Variants in NHSL1 observed in about 807,000 individuals in gnomAD.
The protein encoded by NHSL1 is NHS like 1.
A neutral mutation model predicts 95.0 loss-of-function variants in NHSL1; 48 were observed. The observed-to-expected ratio is 0.51, with a 90% CI of 0.40 to 0.64. NHSL1 has a LOEUF of 0.64. Among genes scored for constraint, NHSL1 ranks in the 30% least tolerant of loss-of-function variants. The pLI is 0.00. For synonymous variants in NHSL1, 783 were observed against 833.9 expected (o/e 0.94, Z 1.05); for missense variants, 1,971 against 2,077.7 (o/e 0.95, Z 1.00).
intron 1 of NHSL1, among the ~76,000 whole-genome samples, chr6:138,527,667 C>A (rs187209532): frequency 1.3e-5 from 2 of 152,292 alleles, no homozygotes; most frequent in African/African-American, 4.8e-5. Context: ...GTGAAAAGAT[C>A]CTCTTTGAGG....
chr6:138,424,908 C>A lies in NHSL1; in HGVS notation c.4086-92G>T. 1 of 1,021,962 alleles carries A rather than the reference C, an allele frequency of 9.8e-7. No homozygotes were observed. The highest frequency in any genetic ancestry group is 2.8e-5 in the Admixed American group (1 of 36,228). The allele number at this position is 1,021,962 out of a possible 1,614,324, so 63.3% of individuals were successfully genotyped here. A position where few individuals can be genotyped will look rare whatever the true frequency, so the allele number is the denominator to read the frequency against. ...CTCTGCTCTTATCGCATCTTCAGGT[C>A]ACCATCTACTTAAGATTCACTTTCA... On this transcript the variant is annotated intron_variant, in intron 7 of 7. Coordinates refer to ENST00000343505, the MANE Select transcript of NHSL1 (RefSeq NM_001144060.2). The surrounding 1 kb of genome is among the most constrained non-coding windows in gnomAD (Gnocchi z 5.9).
intron 2 of NHSL1, among the ~76,000 whole-genome samples, chr6:138,494,959 TG>T (rs1480786873): frequency 6.6e-6 from 1 of 152,124 alleles, no homozygotes; most frequent in Admixed American, 6.6e-5. Context: ...AACAATAAAT[TG>T]GGCCGGGTGC....
intron 1 of NHSL1, among the ~76,000 whole-genome samples, chr6:138,543,298 T>C (rs944802558): frequency 6.6e-6 from 1 of 152,064 alleles, no homozygotes; most frequent in Non-Finnish European, 1.5e-5. Flanking sequence ...ACATACAAAA[T>C]GCAGTTGGGA....
chr6:138,661,665 TAAA>T (rs1204471376), intron 1 of NHSL1, among the ~76,000 whole-genome samples: 1 of 129,140 alleles, frequency 7.7e-6, no homozygotes. Flanking sequence ...TTGTCTCAAA[TAAA>T]AAAAAAAAAG....
intron 1 of NHSL1, among the ~76,000 whole-genome samples, chr6:138,580,866 G>A (rs1255500905): frequency 2.0e-5 from 3 of 152,168 alleles, no homozygotes; most frequent in South Asian, 2.1e-4. Context: ...GTGGATTAGC[G>A]CGGGCTAATA....
Position 138,597,533 on chromosome 6 carries a change from T to G in NHSL1, c.96+94943A>C, listed in dbSNP as rs917571780. 6.6e-5 allele frequency among the ~76,000 whole-genome samples: 10 copies of G among 152,214 alleles called. 1 individual carries two copies. The highest frequency in any genetic ancestry group is 1.5e-5 in the Non-Finnish European group (1 of 68,042). On this transcript the variant is annotated intron_variant, in intron 1 of 3. Transcript: ENST00000491526. Reference sequence around the variant, plus strand: ...GTACATGTTGTTCGTTTCTGGTTATTCTAGTGTAGACTCCTTGCTTACTTT... The same window carrying G: ...GTACATGTTGTTCGTTTCTGGTTATGCTAGTGTAGACTCCTTGCTTACTTT...
intron 1 of NHSL1, among the ~76,000 whole-genome samples, chr6:138,577,992 G>T (rs1022003442): frequency 6.6e-6 from 1 of 152,156 alleles, no homozygotes; most frequent in Non-Finnish European, 1.5e-5. Flanking sequence ...AGAAGTCATG[G>T]AAGGCAAAAC....
At position 138,523,627 on chromosome 6, in the gene NHSL1, GAAAAAAAAAAA is replaced by G. The variant is rs67335375; in HGVS notation, c.16+21985_16+21995del. On this transcript the variant is annotated intron_variant, in intron 1 of 4. Coordinates refer to the NHSL1 transcript ENST00000342260. ...CCCAGCCTAGAGATGTTTTAAAGAG[GAAAAAAAAAAA>G]AAAAAAAAAAAAAACAGAGCTAAAA... is the stretch of plus-strand genomic sequence containing the variant. 7.2e-3 allele frequency among the ~76,000 whole-genome samples: 465 copies of G among 64,980 alleles called. 16 individuals are homozygous for G. The highest frequency in any genetic ancestry group is 2.4e-3 in the South Asian group (4 of 1,638). The allele number at this position is 64,980 out of a possible 152,430, so 42.6% of individuals were successfully genotyped here.
upstream of NHSL1, among the ~76,000 whole-genome samples, chr6:138,503,841 A>C (rs1780816136): frequency 6.6e-6 from 1 of 151,916 alleles, no homozygotes; most frequent in Non-Finnish European, 1.5e-5. Flanking sequence ...TGCCCCCCAA[A>C]CTGTTTCTCA....
chr6:138,499,399 C>A lies in NHSL1; in HGVS notation c.-109G>T. 1 of 1,493,088 alleles carries A rather than the reference C, an allele frequency of 6.7e-7. No homozygotes were observed. Among genetic ancestry groups the A allele is most frequent in the Non-Finnish European group, 9.0e-7 (1 of 1,116,244 alleles). 92.5% of individuals were successfully genotyped at this position (1,493,088 alleles called of 1,614,324 possible). ...TGCTACAGATTCTAACTTTTTCTTC[C>A]CCCGGTCTCATATCCTTAGACATCT... On this transcript the variant is annotated 5_prime_UTR_variant, in exon 1 of 8. Transcript: ENST00000343505.
chr6:138,581,897 CTTTT>C (rs370719757), intron 1 of NHSL1, among the ~76,000 whole-genome samples: 5 of 124,320 alleles, frequency 4.0e-5, no homozygotes, highest in Admixed American at 8.1e-5. Context: ...CTTTTTCTTT[CTTTT>C]TTTTTTTTTT....
At chr6:138,647,782 G>C (rs556081024) in intron 1 of NHSL1, among the ~76,000 whole-genome samples, 1 of 152,080 alleles carries the variant, frequency 6.6e-6, no homozygotes, top group East Asian at 1.9e-4. Context: ...ATTTTCACTA[G>C]AGACAGGGTT....
At position 138,672,734 on chromosome 6, in the gene NHSL1, T is replaced by C. The variant is rs563386814; in HGVS notation, c.96+19742A>G. ...TTTTGAGGACTTATAATAAAAATGTTTCAGCTGGGCGCAGTGGCTCACACC... is the reference window on the plus strand; with the variant it reads ...TTTTGAGGACTTATAATAAAAATGTCTCAGCTGGGCGCAGTGGCTCACACC... On this transcript the variant is annotated intron_variant, in intron 1 of 3. Transcript: ENST00000491526. Among the ~76,000 whole-genome samples, 39 of 152,280 alleles carry C rather than the reference T, an allele frequency of 2.6e-4. No homozygotes were observed. In the South Asian group the frequency reaches 6.4e-3, roughly 25 times the overall value.
chr6:138,673,797 T>C (rs12196991), intron 1 of NHSL1, among the ~76,000 whole-genome samples: 24,986 of 152,230 alleles, frequency 0.16, 2,474 homozygotes, highest in South Asian at 0.34. Flanking sequence ...GTCTGTCTTT[T>C]CTTTACACGA....
At chr6:138,676,760 T>G (rs1785454535) in intron 1 of NHSL1, among the ~76,000 whole-genome samples, 1 of 152,194 alleles carries the variant, frequency 6.6e-6, no homozygotes, top group Non-Finnish European at 1.5e-5. Flanking sequence ...GTTCAAGTGA[T>G]TCTCCTGCCT....
At chr6:138,442,342 A>G (rs1419607634) in intron 4 of NHSL1, among the ~76,000 whole-genome samples, 2 of 152,220 alleles carry the variant, frequency 1.3e-5, no homozygotes, top group Non-Finnish European at 2.9e-5. Context: ...CTCATTTTCA[A>G]ATGAGCTGGA....
intron 1 of NHSL1, among the ~76,000 whole-genome samples, chr6:138,652,950 TCTAAATTA>T (rs1785111911): frequency 6.6e-6 from 1 of 152,234 alleles, no homozygotes; most frequent in East Asian, 1.9e-4. Context: ...AGCTAAATAG[TCTAAATTA>T]GTTTAAGCAA....
At position 138,442,012 on chromosome 6, in the gene NHSL1, C is replaced by G; in HGVS notation, c.635G>C (p.Gly212Ala). The G allele has an allele frequency of 6.4e-7, 1 of 1,551,240 alleles. No individual in the cohort carries two copies. Residue 212 changes from glycine to alanine, a missense_variant, in exon 5 of 8, where the codon GGA becomes GCA. Coordinates refer to ENST00000343505, the MANE Select transcript of NHSL1 (RefSeq NM_001144060.2). Reference sequence around the variant, plus strand: ...CTCCTTCTGTATGTTGTCAGGGACTCCTGTAATAGTCTTTCTCCTTTTGAC... The same window carrying G: ...CTCCTTCTGTATGTTGTCAGGGACTGCTGTAATAGTCTTTCTCCTTTTGAC... ...KKVKRRKTIT[G>A]VPDNIQKELA...
intron 1 of NHSL1, among the ~76,000 whole-genome samples, chr6:138,608,842 A>C (rs1469357774): frequency 6.6e-6 from 1 of 152,226 alleles, no homozygotes; most frequent in Admixed American, 6.5e-5. Context: ...CCTCCCTTTT[A>C]GGGGATTAGG....
Sources: gnomAD v4.1 joint callset for allele counts (sites outside exome capture counted in the v4.1 genomes callset) on GRCh38, gnomAD v4.1.1 for gene constraint, Gnocchi (gnomAD v3.1) non-coding constraint, MANE v1.5 for transcripts, NCBI Gene and HGNC (gene_info 2026-07-23, HGNC 2026-07-21) for gene names.